The following SRD5A2 variants were observed in gnomAD, a reference collection of about 807,000 sequenced individuals.
The protein encoded by SRD5A2 is steroid 5 alpha-reductase 2.
A neutral mutation model predicts 27.4 loss-of-function variants in SRD5A2; 30 were observed. The ratio of observed to expected loss-of-function variants is 1.10; its 90% CI spans 0.82 to 1.49. The LOEUF (loss-of-function observed/expected upper bound fraction) is 1.49, where lower values mean the gene tolerates loss of function less well. SRD5A2 is among the 40% of genes most tolerant of loss of function. The pLI is 0.00. For missense variants in SRD5A2, 348 were observed against 323.4 expected (o/e 1.08, Z -0.58); for synonymous variants, 141 against 133.6 (o/e 1.06, Z -0.38).
the SRD5A2 span, among the ~76,000 whole-genome samples, chr2:31,632,013 G>A: frequency 6.6e-6 from 1 of 152,070 alleles, no homozygotes; most frequent in Admixed American, 6.6e-5. Flanking sequence ...AGAGACTAAG[G>A]GAGGCATTGA....
At chr2:31,596,477 G>T in the SRD5A2 span, among the ~76,000 whole-genome samples, 1 of 151,724 alleles carries the variant, frequency 6.6e-6, no homozygotes, top group African/African-American at 2.4e-5. Context: ...CATAGTACTG[G>T]AAGTCTTAGC....
the SRD5A2 span, among the ~76,000 whole-genome samples, chr2:31,637,964 C>T: frequency 2.8e-4 from 43 of 152,022 alleles, no homozygotes; most frequent in South Asian, 8.5e-3. Flanking sequence ...TTTCCTTCTA[C>T]TAATTTGGGG....
At chr2:31,569,477 T>C (rs1200912399) in intron 1 of SRD5A2, among the ~76,000 whole-genome samples, 1 of 152,170 alleles carries the variant, frequency 6.6e-6, no homozygotes, top group Non-Finnish European at 1.5e-5. Flanking sequence ...GTGGTTTAAT[T>C]TGCATTTCCC....
At chr2:31,594,474 C>T in the SRD5A2 span, among the ~76,000 whole-genome samples, 1 of 152,020 alleles carries the variant, frequency 6.6e-6, no homozygotes, top group Non-Finnish European at 1.5e-5. Flanking sequence ...TATATAATGA[C>T]AAAAAGATTA....
At chr2:31,649,039 A>G in the SRD5A2 span, among the ~76,000 whole-genome samples, 2 of 152,160 alleles carry the variant, frequency 1.3e-5, no homozygotes, top group African/African-American at 4.8e-5. Flanking sequence ...AAATTATCAG[A>G]TGCCTCAATT....
the SRD5A2 span, among the ~76,000 whole-genome samples, chr2:31,632,917 G>C: frequency 7.2e-5 from 11 of 152,114 alleles, no homozygotes; most frequent in Non-Finnish European, 1.5e-5. Context: ...AATATGGAGA[G>C]AAAAGGAATT....
At chr2:31,644,409 C>T in the SRD5A2 span, among the ~76,000 whole-genome samples, 1 of 152,146 alleles carries the variant, frequency 6.6e-6, no homozygotes, top group Non-Finnish European at 1.5e-5. Context: ...GGTCCTCAAC[C>T]TTTTTGGCAC....
chr2:31,626,854 A>T, the SRD5A2 span, among the ~76,000 whole-genome samples: 1 of 152,176 alleles, frequency 6.6e-6, no homozygotes, highest in Non-Finnish European at 1.5e-5. Context: ...CTTTGGTATC[A>T]GGATGATGCT....
chr2:31,554,442 G>T (rs573698797), intron 1 of SRD5A2, among the ~76,000 whole-genome samples: 89 of 152,316 alleles, frequency 5.8e-4, no homozygotes, highest in African/African-American at 2.1e-3. Flanking sequence ...ACAACTTGGA[G>T]AAAGAAGAGC....
chr2:31,607,746 T>C, the SRD5A2 span, among the ~76,000 whole-genome samples: 1 of 152,052 alleles, frequency 6.6e-6, no homozygotes, highest in Non-Finnish European at 1.5e-5. Flanking sequence ...TATATTTTTT[T>C]ATTTTCGTCT....
chr2:31,647,715 CT>C, the SRD5A2 span, among the ~76,000 whole-genome samples: 3 of 152,152 alleles, frequency 2.0e-5, no homozygotes, highest in African/African-American at 7.2e-5. Flanking sequence ...CAGAAGTGCT[CT>C]GTACATACAG....
chr2:31,539,988 T>A (rs1326113212), intron 1 of SRD5A2, among the ~76,000 whole-genome samples: 1 of 152,190 alleles, frequency 6.6e-6, no homozygotes, highest in East Asian at 1.9e-4. Flanking sequence ...ATACACTGTA[T>A]TATGTAATTC....
chr2:31,653,608 C>T, the SRD5A2 span, among the ~76,000 whole-genome samples: 1 of 152,148 alleles, frequency 6.6e-6, no homozygotes, highest in African/African-American at 2.4e-5. Context: ...ACCCTTTGTC[C>T]TCTTGCAAGG....
Position 31,524,875 on chromosome 2 carries a change from G to A in SRD5A2, c.*1321C>T, listed in dbSNP as rs1050765700. ...CATATCTCAGCACTCATGCTGGGGTGACCCCTTCACAAGAGTTTGCAAACT... is the reference window on the plus strand; with the variant it reads ...CATATCTCAGCACTCATGCTGGGGTAACCCCTTCACAAGAGTTTGCAAACT... On this transcript the variant is annotated 3_prime_UTR_variant, in exon 5 of 5. Coordinates refer to ENST00000622030, the MANE Select transcript of SRD5A2 (RefSeq NM_000348.4). The A allele has an allele frequency of 1.8e-5, 4 of 227,040 alleles. No homozygotes were observed. Among genetic ancestry groups the A allele is most frequent in the Admixed American group, 1.1e-4 (2 of 17,546 alleles). The allele number at this position is 227,040 out of a possible 1,614,324, so 14.1% of individuals were successfully genotyped here. A position where few individuals can be genotyped will look rare whatever the true frequency, so the allele number is the denominator to read the frequency against.
rs1167813016 is a variant in SRD5A2, at chr2:31,523,826, C to A, written c.*2370G>T. 4.5e-6 allele frequency: 1 copy of A among 220,674 alleles called. No individual in the cohort carries two copies. The highest frequency in any genetic ancestry group is 9.1e-6 in the Non-Finnish European group (1 of 110,122). 13.7% of individuals were successfully genotyped at this position (220,674 alleles called of 1,614,324 possible). ...TACTGTATTTAATCCACATACATAT[C>A]CTAGCCCTAAACAATGACAAACTGT... is the stretch of plus-strand genomic sequence containing the variant. On this transcript the variant is annotated 3_prime_UTR_variant, in exon 5 of 5. Transcript: ENST00000622030.
chr2:31,533,121 C>G (rs28383050), intron 2 of SRD5A2, among the ~76,000 whole-genome samples: 2 of 152,040 alleles, frequency 1.3e-5, no homozygotes, highest in Non-Finnish European at 2.9e-5. Flanking sequence ...ATATGTGTAG[C>G]CCAAGGCAAT....
the SRD5A2 span, among the ~76,000 whole-genome samples, chr2:31,624,729 T>A: frequency 6.6e-6 from 1 of 152,174 alleles, no homozygotes; most frequent in Non-Finnish European, 1.5e-5. Context: ...GGTGTATAGG[T>A]GTCACATTTT....
the SRD5A2 span, among the ~76,000 whole-genome samples, chr2:31,622,077 C>T: frequency 1.3e-5 from 2 of 152,064 alleles, no homozygotes; most frequent in African/African-American, 4.8e-5. Flanking sequence ...CTAGGTATTA[C>T]ACCCAGCACC....
the SRD5A2 span, among the ~76,000 whole-genome samples, chr2:31,647,436 C>G: frequency 6.6e-6 from 1 of 152,112 alleles, no homozygotes; most frequent in Non-Finnish European, 1.5e-5. Context: ...TTGGCATTCC[C>G]CCGTTTTACC....
Sources: allele counts gnomAD v4.1 joint callset (sites outside exome capture counted in the v4.1 genomes callset), GRCh38; gene constraint gnomAD v4.1.1; transcripts MANE v1.5; gene names NCBI Gene and HGNC (gene_info 2026-07-23, HGNC 2026-07-21).